Variants in COL23A1 observed in about 807,000 individuals in gnomAD.
COL23A1 encodes the protein collagen type XXIII alpha 1 chain, also known as collagen alpha-1(XXIII) chain.
A neutral mutation model predicts 99.3 loss-of-function variants in COL23A1; 97 were observed. That is an observed-to-expected ratio of 0.98 (90% CI 0.83 to 1.16). The LOEUF is 1.16. COL23A1 is among the 50% of genes most tolerant of loss of function. The pLI, the probability that COL23A1 is intolerant of heterozygous loss-of-function variation, is 0.00. For synonymous variants in COL23A1, 320 were observed against 308.2 expected, an observed-to-expected ratio of 1.04 and a Z score of -0.40; for missense variants, 762 against 757.4, an observed-to-expected ratio of 1.01 and a Z score of -0.07.
intron 2 of COL23A1, among the ~76,000 whole-genome samples, chr5:178,347,892 AAAAAACCC>A (rs779862181): frequency 9.1e-5 from 4 of 44,000 alleles, no homozygotes; most frequent in Admixed American, 2.7e-4. Flanking sequence ...AAAAAAAAAA[AAAAAACCC>A]AAAAAAACAA....
chr5:178,340,251 C>T lies in COL23A1; in HGVS notation c.362-33332G>A, dbSNP rs1199247970. On this transcript the variant is annotated intron_variant, in intron 2 of 28. Coordinates refer to ENST00000390654, the MANE Select transcript of COL23A1 (RefSeq NM_173465.4). This position sits in a 1 kb window ranked among gnomAD's most constrained non-coding sequence, Gnocchi z 4.7. ...TGGGCCTGGCTGAGAACAAGGACAC[C>T]TTTCTGACCAGCAATAAGCCTCACC... is the stretch of plus-strand genomic sequence containing the variant. Among the ~76,000 whole-genome samples, 3 of 152,168 alleles carry T rather than the reference C, an allele frequency of 2.0e-5. No homozygotes were observed. Among genetic ancestry groups the T allele is most frequent in the African/African-American group, 7.2e-5 (3 of 41,424 alleles).
At chr5:178,404,122 G>A (rs975774681) in intron 2 of COL23A1, among the ~76,000 whole-genome samples, 15 of 152,186 alleles carry the variant, frequency 9.9e-5, no homozygotes, top group African/African-American at 3.6e-4. Context: ...AGTCAGAACC[G>A]GAAGACGGCA....
intron 2 of COL23A1, among the ~76,000 whole-genome samples, chr5:178,547,625 C>CAT: frequency 1.8e-4 from 1 of 5,524 alleles, no homozygotes; most frequent in African/African-American, 4.7e-4. Context: ...CACACACACC[C>CAT]ACCCACACCC....
intron 2 of COL23A1, among the ~76,000 whole-genome samples, chr5:178,402,253 G>C (rs1340312358): frequency 1.3e-5 from 2 of 152,192 alleles, no homozygotes; most frequent in Non-Finnish European, 2.9e-5. Flanking sequence ...CTCCTAGGGA[G>C]GCTGAGGTGG....
At chr5:178,271,588 C>T (rs1756289222) in intron 5 of COL23A1, among the ~76,000 whole-genome samples, 1 of 152,216 alleles carries the variant, frequency 6.6e-6, no homozygotes, top group Non-Finnish European at 1.5e-5. Context: ...ATCCCTGTGC[C>T]TCTGGTATTG....
chr5:178,383,522 G>C (rs1383844713), intron 2 of COL23A1, among the ~76,000 whole-genome samples: 2 of 152,218 alleles, frequency 1.3e-5, no homozygotes, highest in African/African-American at 4.8e-5. Flanking sequence ...CACCCAATTT[G>C]GGATGCTGGT....
intron 2 of COL23A1, among the ~76,000 whole-genome samples, chr5:178,527,040 C>T (rs913228097): frequency 1.3e-5 from 2 of 152,192 alleles, no homozygotes; most frequent in African/African-American, 4.8e-5. Context: ...AAGCTGAGTC[C>T]GGAAGCCAAG....
Position 178,255,025 on chromosome 5 carries a change from C to A in COL23A1, c.884G>T (p.Gly295Val), listed in dbSNP as rs745555515. The A allele has an allele frequency of 2.8e-5, 45 of 1,612,870 alleles. No homozygotes were observed. Among genetic ancestry groups the A allele is most frequent in the Non-Finnish European group, 3.8e-5 (45 of 1,179,294 alleles). ...CTGCTCGCCCTTGAGGCCTGGGGCA[C>A]CCTGAGGCAGGAAGAAGAGTAAGAA... ...RGTDGAAGPR[G>V]APGLKGEQGD... Residue 295 changes from glycine (G) to valine (V), a missense_variant and splice_region_variant, in exon 16 of 29, where the codon GGT (glycine) becomes GTT (valine). By Grantham distance (109) the Gly-to-Val change is moderately radical. Coordinates refer to ENST00000390654, the MANE Select transcript of COL23A1 (RefSeq NM_173465.4). The surrounding 1 kb of genome is among the most constrained non-coding windows in gnomAD (Gnocchi z 4.2).
At chr5:178,271,861 G>A (rs1383551061) in intron 5 of COL23A1, among the ~76,000 whole-genome samples, 4 of 152,200 alleles carry the variant, frequency 2.6e-5, no homozygotes, top group Non-Finnish European at 4.4e-5. Flanking sequence ...TGGCCAAGGC[G>A]GGATGGGGGA....
intron 2 of COL23A1, among the ~76,000 whole-genome samples, chr5:178,491,513 A>G (rs1386204929): frequency 6.6e-6 from 1 of 152,078 alleles, no homozygotes; most frequent in Non-Finnish European, 1.5e-5. Flanking sequence ...TCAGAACTAC[A>G]TTTAAGGATC....
rs373473210 is a variant in COL23A1, at chr5:178,263,321, C to A, written c.526G>T (p.Asp176Tyr). ...CCAGCAGCTCCATCTTGTCCTTGGT[C>A]TCCCTGAAAGAGATGGGGCTTGGCA... is the stretch of plus-strand genomic sequence containing the variant. ...GAPGDFGPRG[D>Y]QGQDGAAGPP... is the part of the protein sequence containing the mutation. Residue 176 changes from aspartate to tyrosine, a missense_variant, in exon 9 of 29, where the codon GAC (aspartate) becomes TAC (tyrosine). Physicochemically the swap from Asp to Tyr is radical, Grantham distance 160. Transcript: ENST00000390654. The A allele has an allele frequency of 1.4e-4, 220 of 1,590,302 alleles. No homozygotes were observed. The highest frequency in any genetic ancestry group is 6.0e-4 in the Admixed American group (33 of 54,598).
intron 1 of COL23A1, among the ~76,000 whole-genome samples, chr5:178,564,657 C>T (rs1762757224): frequency 6.6e-6 from 1 of 152,112 alleles, no homozygotes; most frequent in South Asian, 2.1e-4. Flanking sequence ...AACTTGAAGT[C>T]TGGGGGAAGG....
chr5:178,476,584 G>A (rs1562005895), intron 2 of COL23A1, among the ~76,000 whole-genome samples: 3 of 152,210 alleles, frequency 2.0e-5, no homozygotes, highest in South Asian at 2.1e-4. Flanking sequence ...AAGCGTGTGC[G>A]CTGGGGGCAG....
At chr5:178,273,629 G>GA (rs747280076) in intron 5 of COL23A1, among the ~76,000 whole-genome samples, 5 of 152,234 alleles carry the variant, frequency 3.3e-5, no homozygotes, top group Non-Finnish European at 7.3e-5. Context: ...CACCGGCACT[G>GA]AAGCTCCCTG....
intron 10 of COL23A1, 134 bp downstream of exon 10, chr5:178,262,083 T>A: frequency 6.1e-6 from 6 of 986,926 alleles, no homozygotes; most frequent in Non-Finnish European, 9.2e-6. Context: ...TGCAGACACG[T>A]ACATGCAGAG....
At chr5:178,349,893 G>A (rs2127676033) in intron 2 of COL23A1, among the ~76,000 whole-genome samples, 1 of 152,228 alleles carries the variant, frequency 6.6e-6, no homozygotes, top group African/African-American at 2.4e-5. Context: ...ACCTCCCTGG[G>A]GTACTCTCTC....
chr5:178,302,437 C>CA (rs1758123012), intron 3 of COL23A1, among the ~76,000 whole-genome samples: 1 of 112,820 alleles, frequency 8.9e-6, no homozygotes, highest in African/African-American at 3.5e-5. Flanking sequence ...AGCACGGCTT[C>CA]AATCCACCTC....
chr5:178,470,494 G>A (rs775221798), intron 2 of COL23A1, among the ~76,000 whole-genome samples: 64 of 152,122 alleles, frequency 4.2e-4, no homozygotes, highest in Non-Finnish European at 7.9e-4. Context: ...CAGAAGCCAC[G>A]GCAAGCCGTC....
chr5:178,276,267 C>T (rs1419136387), intron 5 of COL23A1, among the ~76,000 whole-genome samples: 2 of 117,942 alleles, frequency 1.7e-5, no homozygotes, highest in East Asian at 4.0e-4. Flanking sequence ...CTGAACTGAA[C>T]CAAACAAATA....
Sources: allele counts gnomAD v4.1 joint callset (sites outside exome capture counted in the v4.1 genomes callset), GRCh38; gene constraint gnomAD v4.1.1; non-coding constraint Gnocchi (gnomAD v3.1); transcripts MANE v1.5; gene names NCBI Gene and HGNC (gene_info 2026-07-23, HGNC 2026-07-21).